The following EML4 variants were observed in gnomAD, a reference collection of about 807,000 sequenced individuals.
The protein encoded by EML4 is EMAP like 4.
A neutral mutation model predicts 129.0 loss-of-function variants in EML4; 72 were observed. The observed-to-expected ratio is 0.56, with a 90% CI of 0.46 to 0.68. The LOEUF (loss-of-function observed/expected upper bound fraction) is 0.68, where lower values mean the gene tolerates loss of function less well. EML4 is among the 30% of genes least tolerant of loss of function. The pLI is 0.00. For missense variants in EML4, 1,363 were observed against 1,190.6 expected, an observed-to-expected ratio of 1.14 and a Z score of -2.13; for synonymous variants, 532 against 405.0, an observed-to-expected ratio of 1.31 and a Z score of -3.77.
intron 9 of EML4, among the ~76,000 whole-genome samples, chr2:42,285,760 G>A (rs562047241): frequency 2.0e-4 from 30 of 152,038 alleles, no homozygotes; most frequent in African/African-American, 6.8e-4. Context: ...TACCATGCCT[G>A]GCTAATTTTT....
chr2:42,318,373 TTATTA>T (rs1231594817), intron 19 of EML4, among the ~76,000 whole-genome samples: 2 of 152,202 alleles, frequency 1.3e-5, no homozygotes, highest in Non-Finnish European at 2.9e-5. Flanking sequence ...TTTATTTTGC[TTATTA>T]TATTTAAGCA....
At position 42,178,137 on chromosome 2, in the gene EML4, A is replaced by G. The variant is rs563480611; in HGVS notation, c.25+8501A>G. ...CAGCAGCAGCAGCAGAAAGATATTTATTAGTTGTAGAATCAGTGTAATTCA... is the reference window on the plus strand; with the variant it reads ...CAGCAGCAGCAGCAGAAAGATATTTGTTAGTTGTAGAATCAGTGTAATTCA... On this transcript the variant is annotated intron_variant, in intron 1 of 22. Transcript: ENST00000318522. 4.6e-5 allele frequency among the ~76,000 whole-genome samples: 7 copies of G among 152,344 alleles called. No individual in the cohort carries two copies. The South Asian group carries it at 1.4e-3, about 32-fold the overall frequency.
chr2:42,253,321 A>T (rs1468698984), intron 2 of EML4, among the ~76,000 whole-genome samples: 1 of 152,222 alleles, frequency 6.6e-6, no homozygotes, highest in Non-Finnish European at 1.5e-5. Context: ...ACTGACAGGC[A>T]GATTTATAGT....
intron 17 of EML4, among the ~76,000 whole-genome samples, chr2:42,314,061 AT>A (rs768218037): frequency 6.6e-6 from 1 of 151,484 alleles, no homozygotes; most frequent in Non-Finnish European, 1.5e-5. Flanking sequence ...AAAAATAAAG[AT>A]TAAAAATAAA....
At chr2:42,304,841 C>G (rs1296412472) in intron 17 of EML4, among the ~76,000 whole-genome samples, 2 of 152,088 alleles carry the variant, frequency 1.3e-5, no homozygotes, top group African/African-American at 2.4e-5. Context: ...AAAAAATAAG[C>G]CCTGACGCAG....
intron 1 of EML4, among the ~76,000 whole-genome samples, chr2:42,241,862 A>ATG (rs1323709061): frequency 6.5e-5 from 9 of 138,706 alleles, no homozygotes; most frequent in Admixed American, 5.0e-4. Flanking sequence ...TTGTGTGTGT[A>ATG]TGTGTGTGTG....
chr2:42,190,293 C>T (rs1176163519), intron 1 of EML4, among the ~76,000 whole-genome samples: 1 of 152,082 alleles, frequency 6.6e-6, no homozygotes, highest in Non-Finnish European at 1.5e-5. Flanking sequence ...CCCACAATGT[C>T]AGGTCATAGT....
At chr2:42,201,113 C>T (rs1178103831) in intron 1 of EML4, among the ~76,000 whole-genome samples, 1 of 152,154 alleles carries the variant, frequency 6.6e-6, no homozygotes, top group Non-Finnish European at 1.5e-5. Context: ...AAGATTTTGT[C>T]AACTGTGCTA....
At chr2:42,317,605 G>A in intron 19 of EML4, 81 bp downstream of exon 19, 2 of 917,198 alleles carry the variant, frequency 2.2e-6, no homozygotes, top group Admixed American at 2.1e-5. Flanking sequence ...ATCGATGTGT[G>A]TGTTGTTTCC....
In EML4 at chr2:42,256,583, T is replaced by G; in HGVS notation, c.291T>G (p.Ser97Arg). 6.2e-7 allele frequency: 1 copy of G among 1,613,986 alleles called. No homozygotes were observed. The change falls in exon 3 of 23, where the codon AGT (serine) becomes AGG (arginine). Residue 97 changes from serine to arginine, a missense_variant. Transcript: ENST00000318522. Reference sequence around the variant, plus strand: ...CAAACAGAAAACCAAGTCATACCAGTGCTGTCTCAATTGCAGGAAAAGAAA... The same window carrying G: ...CAAACAGAAAACCAAGTCATACCAGGGCTGTCTCAATTGCAGGAAAAGAAA... Reference protein sequence around the residue: ...SGANRKPSHTSAVSIAGKETL... With the variant: ...SGANRKPSHTRAVSIAGKETL...
At chr2:42,217,617 A>G (rs1350008977) in intron 1 of EML4, among the ~76,000 whole-genome samples, 3 of 152,082 alleles carry the variant, frequency 2.0e-5, no homozygotes, top group African/African-American at 7.2e-5. Flanking sequence ...CCCATGAAAA[A>G]GATGCTTTCT....
intron 4 of EML4, among the ~76,000 whole-genome samples, chr2:42,262,264 C>G (rs1276453723): frequency 1.3e-5 from 2 of 152,174 alleles, no homozygotes; most frequent in Admixed American, 6.5e-5. Context: ...ATGTTTACCA[C>G]TTACAAAATG....
intron 6 of EML4, 82 bp downstream of exon 6, chr2:42,264,813 G>A (rs570856548): frequency 8.6e-6 from 12 of 1,388,442 alleles, no homozygotes; most frequent in Non-Finnish European, 1.2e-5. Context: ...TTTTCATCCA[G>A]TGCACTTTAT....
chr2:42,252,206 T>C (rs563282517), intron 2 of EML4, among the ~76,000 whole-genome samples: 48 of 152,304 alleles, frequency 3.2e-4, no homozygotes, highest in Admixed American at 1.8e-3. Flanking sequence ...TGAAATTTAT[T>C]TGTATTTAGG....
Position 42,204,568 on chromosome 2 carries a change from T to C in EML4, c.25+34932T>C, listed in dbSNP as rs1001548867. Among the ~76,000 whole-genome samples the C allele has an allele frequency of 4.6e-5, 7 of 152,346 alleles. No individual in the cohort carries two copies. The South Asian group carries it at 1.0e-3, about 23-fold the overall frequency. Reference sequence around the variant, plus strand: ...TCAACACTGAATTTCATGTAATGTTTATGTGTCTCGAATAGCTGTTGTTCC... The same window carrying C: ...TCAACACTGAATTTCATGTAATGTTCATGTGTCTCGAATAGCTGTTGTTCC... On this transcript the variant is annotated intron_variant, in intron 1 of 22. Coordinates refer to ENST00000318522, the MANE Select transcript of EML4 (RefSeq NM_019063.5).
intron 1 of EML4, among the ~76,000 whole-genome samples, chr2:42,215,723 A>G (rs1279118982): frequency 2.6e-5 from 4 of 152,148 alleles, no homozygotes; most frequent in Non-Finnish European, 5.9e-5. Context: ...TTTTCTTCCA[A>G]TCCAAACCTT....
intron 1 of EML4, among the ~76,000 whole-genome samples, chr2:42,173,027 AGAAAAATCATAG>A (rs1448948040): frequency 7.9e-5 from 12 of 152,232 alleles, no homozygotes; most frequent in Non-Finnish European, 1.6e-4. Context: ...CTTCCCCCTA[AGAAAAATCATAG>A]TGAATGAAAT....
intron 1 of EML4, among the ~76,000 whole-genome samples, chr2:42,203,522 A>G (rs948473783): frequency 6.6e-6 from 1 of 152,190 alleles, no homozygotes; most frequent in Non-Finnish European, 1.5e-5. Context: ...TTTTATTTGT[A>G]GTACAGTGGA....
At chr2:42,234,620 A>T (rs889447442) in intron 1 of EML4, among the ~76,000 whole-genome samples, 6 of 152,226 alleles carry the variant, frequency 3.9e-5, no homozygotes, top group African/African-American at 1.4e-4. Context: ...ACATTTGCCT[A>T]CACACTTGTA....
Sources: allele counts gnomAD v4.1 joint callset (sites outside exome capture counted in the v4.1 genomes callset), GRCh38; gene constraint gnomAD v4.1.1; transcripts MANE v1.5; gene names NCBI Gene and HGNC (gene_info 2026-07-23, HGNC 2026-07-21).